Variants in MINDY4B observed in about 807,000 individuals in gnomAD.
MINDY4B encodes the protein inactive ubiquitin carboxyl-terminal hydrolase MINDY-4B.
A neutral mutation model predicts 16.7 loss-of-function variants in MINDY4B; 25 were observed. That is an observed-to-expected ratio of 1.49 (90% CI 1.09 to 2.09). The LOEUF (loss-of-function observed/expected upper bound fraction) is 2.09. Among genes scored for constraint, MINDY4B ranks in the 30% most tolerant of loss-of-function variants. MINDY4B has a pLI of 0.00. For missense variants in MINDY4B, 327 were observed against 168.4 expected, an observed-to-expected ratio of 1.94 and a Z score of -5.21; for synonymous variants, 132 against 61.9, an observed-to-expected ratio of 2.13 and a Z score of -5.32.
At position 150,892,710 on chromosome 3, in the gene MINDY4B, C is replaced by T. The variant is rs554877583; in HGVS notation, c.521+614G>A. On this transcript the variant is annotated intron_variant, in intron 5 of 11. Transcript: ENST00000465419. Reference sequence around the variant, plus strand: ...CTATAATCTCAGCACTTTGGGAGGCCGAGGTAGGCAAATCACCTGAGGTCA... The same window carrying T: ...CTATAATCTCAGCACTTTGGGAGGCTGAGGTAGGCAAATCACCTGAGGTCA... 2.6e-5 allele frequency among the ~76,000 whole-genome samples: 4 copies of T among 151,366 alleles called. No homozygotes were observed. The South Asian group carries it at 6.3e-4, about 24-fold the overall frequency.
Position 150,870,565 on chromosome 3 carries a change from T to C in MINDY4B, c.*480A>G, listed in dbSNP as rs981670828. Among the ~76,000 whole-genome samples the C allele has an allele frequency of 3.9e-5, 6 of 152,212 alleles. No homozygotes were observed. Among genetic ancestry groups the C allele is most frequent in the Admixed American group, 6.5e-5 (1 of 15,280 alleles). ...ACAAGAACTTGCTAATGTGGGCATA[T>C]GAACTGTATCCTTGGAAAGGAATGC... On this transcript the variant is annotated 3_prime_UTR_variant, in exon 12 of 12. Transcript: ENST00000465419.
intron 7 of MINDY4B, among the ~76,000 whole-genome samples, chr3:150,885,987 T>C (rs1711613836): frequency 6.6e-6 from 1 of 152,238 alleles, no homozygotes; most frequent in African/African-American, 2.4e-5. Context: ...TTAAATGAAG[T>C]AATTAATTAT....
At chr3:150,897,937 G>A (rs531120082) in intron 3 of MINDY4B, among the ~76,000 whole-genome samples, 1 of 152,324 alleles carries the variant, frequency 6.6e-6, no homozygotes, top group South Asian at 2.1e-4. Flanking sequence ...CTGACATTGA[G>A]ATTGCACAGC....
intron 3 of MINDY4B, among the ~76,000 whole-genome samples, chr3:150,896,602 TC>T (rs1311005545): frequency 3.3e-5 from 5 of 152,200 alleles, no homozygotes; most frequent in African/African-American, 1.2e-4. Flanking sequence ...TCTCCCCTTT[TC>T]CTATGGATGT....
At chr3:150,901,939 A>C (rs1712127643) in intron 3 of MINDY4B, among the ~76,000 whole-genome samples, 2 of 151,926 alleles carry the variant, frequency 1.3e-5, no homozygotes, top group African/African-American at 4.8e-5. Context: ...TGTATGATAA[A>C]AACGAATCCA....
At chr3:150,887,638 T>G (rs1195437908) in intron 7 of MINDY4B, among the ~76,000 whole-genome samples, 2 of 152,210 alleles carry the variant, frequency 1.3e-5, no homozygotes, top group Non-Finnish European at 2.9e-5. Context: ...ACTTCTGACA[T>G]TCACTGATTC....
chr3:150,893,467 T>C, intron 4 of MINDY4B, 52 bp from the exon 5 acceptor site: 1 of 702,448 alleles, frequency 1.4e-6, no homozygotes, highest in East Asian at 2.7e-5. Context: ...AAATTAATGT[T>C]ATCTATTCTT....
At chr3:150,891,138 G>C (rs1711793729) in intron 5 of MINDY4B, 35 bp from the exon 6 acceptor site, 1 of 685,140 alleles carries the variant, frequency 1.5e-6, no homozygotes, top group Non-Finnish European at 2.7e-6. Flanking sequence ...GAAACCATTG[G>C]AATGAACATC....
intron 8 of MINDY4B, 38 bp downstream of exon 8, chr3:150,885,330 C>T: frequency 2.9e-6 from 2 of 700,788 alleles, no homozygotes; most frequent in Non-Finnish European, 5.2e-6. Flanking sequence ...GATCCCAATC[C>T]TATAGAAAAT....
chr3:150,903,333 T>A lies in MINDY4B; in HGVS notation c.225A>T (p.Pro75=), dbSNP rs1191959184. 1.0e-5 allele frequency: 4 copies of A among 398,470 alleles called. No individual in the cohort carries two copies. The highest frequency in any genetic ancestry group is 8.2e-5 in the African/African-American group (4 of 48,636). The allele number at this position is 398,470 out of a possible 1,614,324, so 24.7% of individuals were successfully genotyped here. A position where few individuals can be genotyped will look rare whatever the true frequency, so the allele number is the denominator to read the frequency against. ...TGGGAATAGAACAAAGGCCACTTGA[T>A]GGCAAATGTCCTTGTCCTTTGGGCT... ...LSQPKGQGHL[P]SSGLCSIPNP... Residue 75 remains proline (P), a synonymous_variant, in exon 3 of 12, where the codon CCA becomes CCT. Coordinates refer to ENST00000465419, the MANE Select transcript of MINDY4B (RefSeq NM_001351281.2).
intron 7 of MINDY4B, among the ~76,000 whole-genome samples, chr3:150,889,327 C>G (rs1711707169): frequency 6.6e-6 from 1 of 152,228 alleles, no homozygotes; most frequent in African/African-American, 2.4e-5. Flanking sequence ...CATGGCTCTT[C>G]TCTTCCATCA....
chr3:150,882,393 T>G (rs1468003421), intron 10 of MINDY4B, among the ~76,000 whole-genome samples: 2 of 152,122 alleles, frequency 1.3e-5, no homozygotes, highest in Non-Finnish European at 2.9e-5. Flanking sequence ...GGGCCCCCTT[T>G]TTTTTCCAGT....
chr3:150,873,796 AAG>A (rs1717024185), intron 10 of MINDY4B, among the ~76,000 whole-genome samples: 2 of 152,270 alleles, frequency 1.3e-5, no homozygotes, highest in South Asian at 4.1e-4. Context: ...AGGTGGTGGT[AAG>A]ACTTCTGGCA....
At chr3:150,879,632 C>T (rs923281190) in intron 10 of MINDY4B, among the ~76,000 whole-genome samples, 5 of 152,170 alleles carry the variant, frequency 3.3e-5, no homozygotes, top group African/African-American at 9.6e-5. Flanking sequence ...ATGTGGGGGC[C>T]CTCGTTCAAA....
chr3:150,882,682 A>G (rs909815699), intron 10 of MINDY4B, among the ~76,000 whole-genome samples: 2 of 152,172 alleles, frequency 1.3e-5, no homozygotes, highest in African/African-American at 4.8e-5. Context: ...TTTTATATAC[A>G]TAAAAATATG....
chr3:150,895,781 A>T lies in MINDY4B; in HGVS notation c.310-1476T>A, dbSNP rs542898421. ...CACCTGGCCTTGTCTCACAGCTCTT[A>T]AGATTCTTTCCTTCATCTTAACTTT... is the stretch of plus-strand genomic sequence containing the variant. On this transcript the variant is annotated intron_variant, in intron 3 of 11. Coordinates refer to ENST00000465419, the MANE Select transcript of MINDY4B (RefSeq NM_001351281.2). 3.3e-5 allele frequency among the ~76,000 whole-genome samples: 5 copies of T among 152,234 alleles called. No homozygotes were observed. The South Asian group carries it at 1.0e-3, about 32-fold the overall frequency.
chr3:150,883,151 A>G, intron 9 of MINDY4B, 93 bp from the exon 10 acceptor site: 1 of 579,824 alleles, frequency 1.7e-6, no homozygotes, highest in Non-Finnish European at 3.1e-6. Flanking sequence ...AATTATTTTT[A>G]GTGAAAAGAA....
At position 150,889,340 on chromosome 3, in the gene MINDY4B, G is replaced by A. The variant is rs529057548; in HGVS notation, c.753+980C>T. ...TTCATGGCTCTTCTCTTCCATCATC[G>A]AAGCGGATCCAAGCCCGCAAGGGCA... On this transcript the variant is annotated intron_variant, in intron 7 of 11. Transcript: ENST00000465419. Among the ~76,000 whole-genome samples the A allele has an allele frequency of 9.9e-5, 15 of 152,200 alleles. 1 individual carries two copies. In the East Asian group the frequency reaches 2.3e-3, roughly 24 times the overall value.
At chr3:150,904,080 T>C (rs1712182741) in intron 2 of MINDY4B, among the ~76,000 whole-genome samples, 1 of 152,232 alleles carries the variant, frequency 6.6e-6, no homozygotes, top group Non-Finnish European at 1.5e-5. Context: ...AGTTTTTCTG[T>C]ATTCCTAGAG....
Sources: gnomAD v4.1 joint callset for allele counts (sites outside exome capture counted in the v4.1 genomes callset) on GRCh38, gnomAD v4.1.1 for gene constraint, MANE v1.5 for transcripts, NCBI Gene and HGNC (gene_info 2026-07-23, HGNC 2026-07-21) for gene names.